The following DKK2 variants were observed in gnomAD, a reference collection of about 807,000 sequenced individuals.
DKK2 encodes the protein dickkopf Wnt signaling pathway inhibitor 2, also known as dickkopf-related protein 2.
A neutral mutation model predicts 28.1 loss-of-function variants in DKK2; 11 were observed. That is an observed-to-expected ratio of 0.39 (90% CI 0.25 to 0.65). The LOEUF (loss-of-function observed/expected upper bound fraction) is 0.65. Among genes scored for constraint, DKK2 ranks in the 30% least tolerant of loss-of-function variants. DKK2 has a pLI of 0.47. For missense variants in DKK2, 326 were observed against 335.5 expected, an observed-to-expected ratio of 0.97 and a Z score of 0.22; for synonymous variants, 135 against 126.5, an observed-to-expected ratio of 1.07 and a Z score of -0.45.
chr4:106,999,454 C>T (rs1289272163), intron 1 of DKK2, among the ~76,000 whole-genome samples: 1 of 152,204 alleles, frequency 6.6e-6, no homozygotes, highest in African/African-American at 2.4e-5. Context: ...TCAAGTGATT[C>T]TCCTGCCTCA....
intron 1 of DKK2, among the ~76,000 whole-genome samples, chr4:106,929,229 T>C (rs770168054): frequency 6.6e-6 from 1 of 152,218 alleles, no homozygotes; most frequent in Non-Finnish European, 1.5e-5. Context: ...GTCTGATTTT[T>C]ATTTTACTTG....
chr4:106,952,907 A>C (rs544746009), intron 1 of DKK2, among the ~76,000 whole-genome samples: 5 of 152,138 alleles, frequency 3.3e-5, no homozygotes, highest in Non-Finnish European at 7.4e-5. Context: ...ATTCTTCAAA[A>C]TTTAATCTTT....
intron 1 of DKK2, among the ~76,000 whole-genome samples, chr4:106,940,837 T>C (rs1451667091): frequency 3.3e-5 from 5 of 151,986 alleles, no homozygotes; most frequent in African/African-American, 1.2e-4. Flanking sequence ...GAAATCATCA[T>C]TGTCAGTAAA....
chr4:106,985,335 T>C (rs571181475), intron 1 of DKK2, among the ~76,000 whole-genome samples: 1 of 151,460 alleles, frequency 6.6e-6, no homozygotes, highest in Non-Finnish European at 1.5e-5. Context: ...GTGGTGATGG[T>C]GTGATGATGT....
intron 1 of DKK2, among the ~76,000 whole-genome samples, chr4:107,009,768 G>A: frequency 6.6e-6 from 1 of 151,734 alleles, no homozygotes; most frequent in Non-Finnish European, 1.5e-5. Flanking sequence ...CATTGGAAGG[G>A]ACATTCTTGA....
chr4:106,999,256 G>T (rs1438375238), intron 1 of DKK2, among the ~76,000 whole-genome samples: 3 of 152,172 alleles, frequency 2.0e-5, no homozygotes, highest in African/African-American at 7.2e-5. Context: ...AGAGTTTTAA[G>T]AATGCATTAC....
intron 1 of DKK2, among the ~76,000 whole-genome samples, chr4:106,948,724 C>T (rs1414426188): frequency 6.6e-6 from 1 of 152,154 alleles, no homozygotes; most frequent in Non-Finnish European, 1.5e-5. Context: ...GGGTCTGGCA[C>T]AGTGCCTGGC....
rs944797187 is a variant in DKK2, at chr4:106,933,988, A to G, written c.223-8039T>C. ...TGTGTGTGTGTGTGTGTGTGTGTGT[A>G]TGTGTATATATGTATGTATATATAC... On this transcript the variant is annotated intron_variant, in intron 1 of 3. Coordinates refer to ENST00000285311, the MANE Select transcript of DKK2 (RefSeq NM_014421.3). Among the ~76,000 whole-genome samples the G allele has an allele frequency of 6.9e-5, 10 of 144,572 alleles. No homozygotes were observed. The South Asian group carries it at 9.1e-4, about 13-fold the overall frequency. The allele number at this position is 144,572 out of a possible 152,430, so 94.8% of individuals were successfully genotyped here. A position where few individuals can be genotyped will look rare whatever the true frequency, so the allele number is the denominator to read the frequency against.
intron 1 of DKK2, among the ~76,000 whole-genome samples, chr4:106,991,484 A>G (rs1380858056): frequency 6.6e-6 from 1 of 152,158 alleles, no homozygotes; most frequent in African/African-American, 2.4e-5. Context: ...CCATTAGTCA[A>G]GAACCCTCAG....
rs528108576 is a variant in DKK2, at chr4:106,942,163, A to G, written c.223-16214T>C. On this transcript the variant is annotated intron_variant, in intron 1 of 3. Transcript: ENST00000285311. ...TTGGTTTGTGTGACCCTAGTGTTCA[A>G]ATCTCAGCCTCAGAAATGTGGTACA... is the stretch of plus-strand genomic sequence containing the variant. Among the ~76,000 whole-genome samples, 167 of 152,086 alleles carry G rather than the reference A, an allele frequency of 1.1e-3. 1 individual carries two copies. Among genetic ancestry groups the G allele is most frequent in the Non-Finnish European group, 2.0e-3 (138 of 68,018 alleles).
intron 1 of DKK2, among the ~76,000 whole-genome samples, chr4:106,978,212 G>T (rs997978483): frequency 3.3e-5 from 5 of 152,066 alleles, no homozygotes; most frequent in Non-Finnish European, 7.4e-5. Context: ...CAGGAGGCAC[G>T]GGGCTCAGGG....
chr4:106,965,616 T>G (rs1722766587), intron 1 of DKK2, among the ~76,000 whole-genome samples: 1 of 151,978 alleles, frequency 6.6e-6, no homozygotes, highest in Non-Finnish European at 1.5e-5. Context: ...TAATTATACT[T>G]TAAGTTTTAG....
rs1041592596 is a variant in DKK2, at chr4:107,002,931, T to C, written c.222+32439A>G. Among the ~76,000 whole-genome samples, 9 of 152,232 alleles carry C rather than the reference T, an allele frequency of 5.9e-5. 1 individual carries two copies. Among genetic ancestry groups the C allele is most frequent in the Admixed American group, 5.9e-4 (9 of 15,296 alleles). On this transcript the variant is annotated intron_variant, in intron 1 of 3. Transcript: ENST00000285311. ...GTTGTGGTGATTAAATTAGATAACA[T>C]AAAAAATCCTTAATATAGCATTAGG...
Position 106,975,376 on chromosome 4 carries a change from AT to A in DKK2, c.223-49428del, listed in dbSNP as rs1054102597. 4.6e-5 allele frequency among the ~76,000 whole-genome samples: 7 copies of A among 151,766 alleles called. 1 individual carries two copies. The highest frequency in any genetic ancestry group is 2.0e-4 in the Admixed American group (3 of 15,222). ...GGCTGTGAATCCATCTGATCCTGGG[AT>A]TTTTTTGGTTGCTAGGCTATTAAAT... On this transcript the variant is annotated intron_variant, in intron 1 of 3. Coordinates refer to ENST00000285311, the MANE Select transcript of DKK2 (RefSeq NM_014421.3).
At chr4:106,936,663 G>T (rs937060682) in intron 1 of DKK2, among the ~76,000 whole-genome samples, 2 of 152,158 alleles carry the variant, frequency 1.3e-5, no homozygotes, top group Non-Finnish European at 2.9e-5. Context: ...ACACATAATT[G>T]TCGGATTCAC....
rs1724383506 is a variant in DKK2, at chr4:106,923,818, T to G, written c.*136A>C. ...TCAGTTCATGTTTTCTTTCTCCCTT[T>G]TTGTGATCATCTATATTCTTATCAC... is the stretch of plus-strand genomic sequence containing the variant. On this transcript the variant is annotated 3_prime_UTR_variant, in exon 4 of 4. Transcript: ENST00000285311. The G allele has an allele frequency of 8.1e-7, 1 of 1,233,012 alleles. No homozygotes were observed. The highest frequency in any genetic ancestry group is 1.5e-5 in the African/African-American group (1 of 65,928). The allele number at this position is 1,233,012 out of a possible 1,614,324, so 76.4% of individuals were successfully genotyped here.
chr4:106,973,447 T>G (rs1231051946), intron 1 of DKK2, among the ~76,000 whole-genome samples: 1 of 152,244 alleles, frequency 6.6e-6, no homozygotes, highest in African/African-American at 2.4e-5. Context: ...AGTGAGACAG[T>G]ATCTAATTTT....
intron 1 of DKK2, among the ~76,000 whole-genome samples, chr4:106,980,745 G>A (rs754991492): frequency 2.0e-5 from 3 of 152,088 alleles, no homozygotes; most frequent in Non-Finnish European, 2.9e-5. Flanking sequence ...GAAATTAAAT[G>A]CACTGTCATA....
intron 1 of DKK2, among the ~76,000 whole-genome samples, chr4:106,971,353 A>C (rs1418854620): frequency 6.6e-6 from 1 of 152,138 alleles, no homozygotes. Flanking sequence ...ATTCACTTCA[A>C]TGTATTTCAA....
Sources: gnomAD v4.1 joint callset for allele counts (sites outside exome capture counted in the v4.1 genomes callset) on GRCh38, gnomAD v4.1.1 for gene constraint, MANE v1.5 for transcripts, NCBI Gene and HGNC (gene_info 2026-07-23, HGNC 2026-07-21) for gene names.